The following RASEF variants were observed in gnomAD, a reference collection of about 807,000 sequenced individuals.
RASEF encodes the protein RAS and EF-hand domain containing, also known as ras and EF-hand domain-containing protein.
Under a neutral mutation model 90.1 loss-of-function variants are expected in RASEF, and 68 were observed. The ratio of observed to expected loss-of-function variants is 0.75; its 90% CI spans 0.62 to 0.92. The LOEUF is 0.92. Among genes scored for constraint, RASEF ranks in the 40% least tolerant of loss-of-function variants. RASEF has a pLI of 0.00. For synonymous variants in RASEF, 331 were observed against 345.2 expected (o/e 0.96, Z 0.46); for missense variants, 949 against 937.2 (o/e 1.01, Z -0.16).
At chr9:83,117,868 G>T in the RASEF span, among the ~76,000 whole-genome samples, 1,409 of 152,242 alleles carry the variant, frequency 9.3e-3, 18 homozygotes, top group African/African-American at 0.033. Context: ...TTTGTGATTT[G>T]CTTTTCTCTA....
chr9:83,094,711 A>T, the RASEF span, among the ~76,000 whole-genome samples: 1 of 152,190 alleles, frequency 6.6e-6, no homozygotes, highest in Non-Finnish European at 1.5e-5. Context: ...AAATACAATG[A>T]GGGTATTTAA....
the RASEF span, among the ~76,000 whole-genome samples, chr9:83,139,353 C>T: frequency 3.1e-4 from 47 of 152,146 alleles, no homozygotes; most frequent in Non-Finnish European, 2.1e-4. Context: ...AGTCACAAAT[C>T]CACATATAAC....
chr9:83,016,249 G>A (rs529406572), intron 3 of RASEF, among the ~76,000 whole-genome samples: 3 of 152,148 alleles, frequency 2.0e-5, no homozygotes, highest in African/African-American at 4.8e-5. Flanking sequence ...CACAGTGACC[G>A]GAATCCTATC....
At chr9:83,189,762 G>A in the RASEF span, among the ~76,000 whole-genome samples, 3 of 152,186 alleles carry the variant, frequency 2.0e-5, no homozygotes, top group Non-Finnish European at 4.4e-5. Flanking sequence ...CCAGGATCCT[G>A]TATGTTAATG....
chr9:83,000,216 A>C lies in RASEF; in HGVS notation c.1676T>G (p.Met559Arg). ...DAAVGKSSFL[M>R]RLCKNEFREN... is the part of the protein sequence containing the mutation. ...TCGAAATTCATTCTTGCAAAGTCTC[A>C]TGAGGAAACTAGACTTCCCCACTGC... The change falls in exon 12 of 17, where the codon ATG (methionine) becomes AGG (arginine). Residue 559 changes from methionine (M) to arginine (R), a missense_variant. By Grantham distance (91) the Met-to-Arg change is moderately conservative (BLOSUM62 -1). This residue lies in a region of RASEF where 288 missense variants were observed against 328.4 expected (regional missense o/e 0.88). Transcript: ENST00000376447. The C allele has an allele frequency of 6.2e-7, 1 of 1,614,094 alleles. No homozygotes were observed. Among genetic ancestry groups the C allele is most frequent in the South Asian group, 1.1e-5 (1 of 91,078 alleles).
At position 83,062,706 on chromosome 9, in the gene RASEF, C is replaced by T; in HGVS notation, c.162G>A (p.Leu54=). 6.3e-7 allele frequency: 1 copy of T among 1,578,442 alleles called. No homozygotes were observed. The highest frequency in any genetic ancestry group is 1.3e-5 in the African/African-American group (1 of 74,526). ...TGATGGCGCCGTCACGGTCGGCGTC[C>T]AGCCGCTGGAATACTGCCTCGGCGT... is the stretch of plus-strand genomic sequence containing the variant. ...PADAEAVFQR[L]DADRDGAITF... The change falls in exon 1 of 17, where the codon CTG becomes CTA. Residue 54 remains leucine, a synonymous_variant. Transcript: ENST00000376447.
chr9:83,170,354 A>G, the RASEF span, among the ~76,000 whole-genome samples: 5 of 151,866 alleles, frequency 3.3e-5, no homozygotes, highest in African/African-American at 1.2e-4. Flanking sequence ...GAGGCAGGTA[A>G]TGTGATGCCT....
chr9:83,110,692 G>C, the RASEF span, among the ~76,000 whole-genome samples: 67 of 152,306 alleles, frequency 4.4e-4, no homozygotes, highest in East Asian at 0.011. Context: ...GGGAGGCAGA[G>C]TAGAAATTGC....
chr9:83,190,967 T>G, the RASEF span, among the ~76,000 whole-genome samples: 125,337 of 152,122 alleles, frequency 0.82, 51,764 homozygotes, highest in South Asian at 0.88. Flanking sequence ...ATAATAATGA[T>G]ATCAGGATGT....
chr9:82,987,834 G>A (rs891475682), intron 16 of RASEF, among the ~76,000 whole-genome samples: 1 of 152,166 alleles, frequency 6.6e-6, no homozygotes, highest in Admixed American at 6.5e-5. Flanking sequence ...AAGAAATACA[G>A]GGACTTGTTC....
the RASEF span, among the ~76,000 whole-genome samples, chr9:83,215,581 G>A: frequency 1.3e-5 from 2 of 152,206 alleles, no homozygotes; most frequent in Non-Finnish European, 2.9e-5. Context: ...TCAAAACTGT[G>A]AGTCCATTAA....
rs76492045 is a variant in RASEF, at chr9:83,005,641, A to C, written c.1029-141T>G. On this transcript the variant is annotated intron_variant, in intron 7 of 16. Coordinates refer to ENST00000376447, the MANE Select transcript of RASEF (RefSeq NM_152573.4). ...TGCAACTTTCCACCACTTCCCTTCA[A>C]ACCTCAAAAACTGAGATAATTCATT... 1,702 of 664,334 alleles carry C rather than the reference A, an allele frequency of 2.6e-3. 18 individuals carry two copies. In the African/African-American group the frequency reaches 0.027, roughly 11 times the overall value. 41.2% of individuals were successfully genotyped at this position (664,334 alleles called of 1,614,324 possible).
chr9:83,144,445 A>G, the RASEF span, among the ~76,000 whole-genome samples: 9 of 143,700 alleles, frequency 6.3e-5, no homozygotes, highest in African/African-American at 2.4e-4. Flanking sequence ...GAAAAGAAAA[A>G]AGAAAAGAAA....
rs531473336 is a variant in RASEF at position 83,012,946 on chromosome 9, G to T, written c.766-435C>A. 3.3e-5 allele frequency among the ~76,000 whole-genome samples: 5 copies of T among 152,254 alleles called. No homozygotes were observed. The South Asian group carries it at 1.0e-3, about 32-fold the overall frequency. On this transcript the variant is annotated intron_variant, in intron 4 of 16. Coordinates refer to ENST00000376447, the MANE Select transcript of RASEF (RefSeq NM_152573.4). Reference sequence around the variant, plus strand: ...GCAAGATTTTTTAAGAGCAGAATTAGTGTCAGATTCACCTATGTTTTCTTC... The same window carrying T: ...GCAAGATTTTTTAAGAGCAGAATTATTGTCAGATTCACCTATGTTTTCTTC...
chr9:83,020,036 T>A (rs545635534), intron 3 of RASEF, among the ~76,000 whole-genome samples: 1 of 152,190 alleles, frequency 6.6e-6, no homozygotes, highest in Admixed American at 6.5e-5. Flanking sequence ...CATACATATG[T>A]CCAAACTTCA....
the RASEF span, among the ~76,000 whole-genome samples, chr9:83,150,708 A>G: frequency 6.6e-6 from 1 of 152,228 alleles, no homozygotes; most frequent in Admixed American, 6.5e-5. Flanking sequence ...TCACCATAAT[A>G]AATGTTAAAC....
the RASEF span, among the ~76,000 whole-genome samples, chr9:83,078,231 A>C: frequency 2.0e-5 from 3 of 152,338 alleles, no homozygotes; most frequent in Non-Finnish European, 1.5e-5. Flanking sequence ...TGCAGCTGTC[A>C]AAGTAAATTA....
intron 1 of RASEF, among the ~76,000 whole-genome samples, chr9:83,049,621 T>A (rs1358641374): frequency 7.0e-6 from 1 of 143,250 alleles, no homozygotes; most frequent in East Asian, 2.1e-4. Context: ...ACATGTGCCA[T>A]GCTGGTGCGC....
chr9:83,203,567 C>T, the RASEF span, among the ~76,000 whole-genome samples: 1 of 152,210 alleles, frequency 6.6e-6, no homozygotes, highest in Non-Finnish European at 1.5e-5. Context: ...TGAGCCACCA[C>T]ACCTGGCCTA....
Sources: allele counts gnomAD v4.1 joint callset (sites outside exome capture counted in the v4.1 genomes callset), GRCh38; gene constraint gnomAD v4.1.1; regional missense constraint gnomAD v4.1.1; transcripts MANE v1.5; gene names NCBI Gene and HGNC (gene_info 2026-07-23, HGNC 2026-07-21).